Variants in EPHB1 observed in about 807,000 individuals in gnomAD.
The protein encoded by EPHB1 is ephrin type-B receptor 1.
EPHB1 carries 30 observed loss-of-function variants against 94.4 expected under a neutral mutation model. The observed-to-expected ratio is 0.32, with a 90% CI of 0.24 to 0.43. The LOEUF is 0.43. EPHB1 is among the 20% of genes least tolerant of loss of function. The pLI is 1.00. For missense variants in EPHB1, 1,055 were observed against 1,308.3 expected (o/e 0.81, Z 2.99); for synonymous variants, 522 against 489.1 (o/e 1.07, Z -0.89).
intron 3 of EPHB1, among the ~76,000 whole-genome samples, chr3:135,015,059 G>A (rs964157640): frequency 6.6e-6 from 1 of 152,068 alleles, no homozygotes; most frequent in Non-Finnish European, 1.5e-5. Context: ...CCCGTGTATG[G>A]CACCCCAGCC....
chr3:135,037,976 T>A (rs1446067229), intron 3 of EPHB1, among the ~76,000 whole-genome samples: 1 of 152,216 alleles, frequency 6.6e-6, no homozygotes, highest in African/African-American at 2.4e-5. Flanking sequence ...AGTCATTGTT[T>A]ACCTACCAGA....
At chr3:135,025,302 C>G in intron 3 of EPHB1, among the ~76,000 whole-genome samples, 1 of 129,974 alleles carries the variant, frequency 7.7e-6, no homozygotes, top group Admixed American at 8.4e-5. Context: ...TGCTGGTGTG[C>G]TGCACCCACT....
rs140845175 is a variant in EPHB1, at chr3:135,245,186, A to G, written c.2497-3130A>G. Among the ~76,000 whole-genome samples, 7 of 152,278 alleles carry G rather than the reference A, an allele frequency of 4.6e-5. No homozygotes were observed. The East Asian group carries it at 1.4e-3, about 29-fold the overall frequency. On this transcript the variant is annotated intron_variant, in intron 13 of 15. Transcript: ENST00000398015. Reference sequence around the variant, plus strand: ...TAATGACACCTTCTGTGTGATGAGGATTCATCCTACTACTCATCTGCGCTG... The same window carrying G: ...TAATGACACCTTCTGTGTGATGAGGGTTCATCCTACTACTCATCTGCGCTG...
At chr3:135,226,884 G>A (rs1374292097) in intron 12 of EPHB1, among the ~76,000 whole-genome samples, 1 of 151,900 alleles carries the variant, frequency 6.6e-6, no homozygotes, top group African/African-American at 2.4e-5. Context: ...AGACGGAGCT[G>A]GATGATATAG....
At chr3:135,106,686 A>G (rs1322085105) in intron 4 of EPHB1, 83 bp downstream of exon 4, 6 of 1,541,500 alleles carry the variant, frequency 3.9e-6, no homozygotes, top group East Asian at 2.3e-5. Context: ...GGAAGAGAAG[A>G]CATCATCCTT....
chr3:135,150,010 G>A (rs1441613678), intron 5 of EPHB1, among the ~76,000 whole-genome samples: 1 of 152,156 alleles, frequency 6.6e-6, no homozygotes. Flanking sequence ...AGAAGTGCAG[G>A]GCTGTGACTT....
At chr3:134,864,601 A>G (rs1253323184) in intron 1 of EPHB1, among the ~76,000 whole-genome samples, 1 of 152,238 alleles carries the variant, frequency 6.6e-6, no homozygotes, top group African/African-American at 2.4e-5. Flanking sequence ...GTGAACCTGA[A>G]GGAGGGAAAT....
intron 10 of EPHB1, among the ~76,000 whole-genome samples, chr3:135,183,828 G>T (rs1018957570): frequency 3.9e-5 from 6 of 152,188 alleles, no homozygotes; most frequent in African/African-American, 1.2e-4. Flanking sequence ...GGAGAATCAG[G>T]CCAAGATCTA....
chr3:134,892,946 G>T (rs1435363677), intron 1 of EPHB1, among the ~76,000 whole-genome samples: 1 of 152,170 alleles, frequency 6.6e-6, no homozygotes, highest in Non-Finnish European at 1.5e-5. Context: ...TGCTCGGACT[G>T]GGTCAAGCCC....
At chr3:134,865,263 A>T (rs1375924967) in intron 1 of EPHB1, among the ~76,000 whole-genome samples, 1 of 152,202 alleles carries the variant, frequency 6.6e-6, no homozygotes, top group African/African-American at 2.4e-5. Flanking sequence ...TGAAAATACT[A>T]ATTGCAACCC....
chr3:135,230,344 C>T (rs551188130), intron 12 of EPHB1, among the ~76,000 whole-genome samples: 81 of 152,236 alleles, frequency 5.3e-4, no homozygotes, highest in African/African-American at 1.6e-3. Flanking sequence ...GCCCTGCTTA[C>T]TACATTCCTG....
chr3:135,232,888 A>G (rs2107724858), intron 12 of EPHB1, among the ~76,000 whole-genome samples: 1 of 152,302 alleles, frequency 6.6e-6, no homozygotes, highest in East Asian at 1.9e-4. Flanking sequence ...TCCTTATAAA[A>G]CAATCAGATC....
chr3:135,181,207 G>A (rs947729934), intron 10 of EPHB1, among the ~76,000 whole-genome samples: 47 of 152,096 alleles, frequency 3.1e-4, no homozygotes, highest in African/African-American at 1.0e-3. Flanking sequence ...GAATAGCTTC[G>A]TCCTCACACT....
chr3:134,976,418 G>T (rs1372596220), intron 3 of EPHB1, among the ~76,000 whole-genome samples: 1 of 152,228 alleles, frequency 6.6e-6, no homozygotes, highest in East Asian at 1.9e-4. Flanking sequence ...GTTGAAAGGT[G>T]ATCAAACCAC....
chr3:135,163,542 CTG>C (rs1216947757), intron 7 of EPHB1, among the ~76,000 whole-genome samples: 1 of 152,154 alleles, frequency 6.6e-6, no homozygotes, highest in African/African-American at 2.4e-5. Flanking sequence ...AGAACACAGA[CTG>C]TCTTCTTTTT....
At chr3:135,227,612 T>C (rs1943431890) in intron 12 of EPHB1, among the ~76,000 whole-genome samples, 1 of 152,206 alleles carries the variant, frequency 6.6e-6, no homozygotes, top group African/African-American at 2.4e-5. Context: ...TGGCTTCTGA[T>C]GCTATGTTAT....
At chr3:134,960,001 T>C (rs1933447737) in intron 3 of EPHB1, among the ~76,000 whole-genome samples, 1 of 72,998 alleles carries the variant, frequency 1.4e-5, no homozygotes, top group Non-Finnish European at 2.6e-5. Context: ...TTTTTTTTTT[T>C]TTTTTTTGCA....
At position 134,978,265 on chromosome 3, in the gene EPHB1, G is replaced by A. The variant is rs946319560; in HGVS notation, c.805+26213G>A. ...GTAGTTGGGCTCTCTCTTGTCTTCC[G>A]GGATCCTGCCCTGGCCCCTCAGTGC... On this transcript the variant is annotated intron_variant, in intron 3 of 15. Coordinates refer to ENST00000398015, the MANE Select transcript of EPHB1 (RefSeq NM_004441.5). 5.9e-5 allele frequency among the ~76,000 whole-genome samples: 9 copies of A among 152,192 alleles called. No homozygotes were observed. In the East Asian group the frequency reaches 7.7e-4, roughly 13 times the overall value.
intron 1 of EPHB1, among the ~76,000 whole-genome samples, chr3:134,856,077 C>T (rs989833860): frequency 1.3e-5 from 2 of 152,100 alleles, no homozygotes; most frequent in Admixed American, 6.5e-5. Flanking sequence ...ATAAGGAAGC[C>T]CTTCTGGTTC....
Sources: allele counts gnomAD v4.1 joint callset (sites outside exome capture counted in the v4.1 genomes callset), GRCh38; gene constraint gnomAD v4.1.1; transcripts MANE v1.5; gene names NCBI Gene and HGNC (gene_info 2026-07-23, HGNC 2026-07-21).